DIS3L2: variants seen among roughly 807,000 people sequenced by gnomAD.
DIS3L2 encodes DIS3 like 3'-5' exoribonuclease 2.
In DIS3L2, 34 loss-of-function variants were observed where a neutral mutation model predicts 97.5. The observed-to-expected ratio is 0.35, with a 90% CI of 0.27 to 0.46. The LOEUF (loss-of-function observed/expected upper bound fraction) is 0.46, where lower values mean the gene tolerates loss of function less well. DIS3L2 is among the 20% of genes least tolerant of loss of function. The pLI is 1.00. For synonymous variants in DIS3L2, 435 were observed against 445.2 expected (o/e 0.98, Z 0.29); for missense variants, 1,038 against 1,146.0 (o/e 0.91, Z 1.36).
chr2:232,106,111 ACT>A (rs1370032143), intron 6 of DIS3L2, among the ~76,000 whole-genome samples: 1 of 151,808 alleles, frequency 6.6e-6, no homozygotes, highest in African/African-American at 2.4e-5. Context: ...TACTGATCCC[ACT>A]CTGTGTTACT....
chr2:232,141,646 C>T (rs953027289), intron 8 of DIS3L2, among the ~76,000 whole-genome samples: 2 of 151,932 alleles, frequency 1.3e-5, no homozygotes, highest in South Asian at 2.1e-4. Flanking sequence ...GAGCAGATGA[C>T]GGAGTGAGGT....
At position 232,087,595 on chromosome 2, in the gene DIS3L2, A is replaced by G; in HGVS notation, c.475A>G (p.Asn159Asp). 6.2e-7 allele frequency: 1 copy of G among 1,614,158 alleles called. No individual in the cohort carries two copies. The highest frequency in any genetic ancestry group is 8.5e-7 in the Non-Finnish European group (1 of 1,180,028). The change falls in exon 6 of 21, where the codon AAT (asparagine) becomes GAT (aspartate). Residue 159 changes from asparagine to aspartate, a missense_variant. Physicochemically the swap from Asn to Asp is conservative, Grantham distance 23. This residue lies in a region of DIS3L2 where 813 missense variants were observed against 880.1 expected (regional missense o/e 0.92). Transcript: ENST00000325385. ...CCCGCAACAGTCCCTGAAAAGCTATAATGACAGTCCTGATGTCATTGTAGA... is the reference window on the plus strand; with the variant it reads ...CCCGCAACAGTCCCTGAAAAGCTATGATGACAGTCCTGATGTCATTGTAGA... ...HLPQQSLKSYNDSPDVIVEAQ... is the reference protein window; with the variant it reads ...HLPQQSLKSYDDSPDVIVEAQ...
At chr2:232,156,429 T>C (rs1336394528) in intron 8 of DIS3L2, among the ~76,000 whole-genome samples, 1 of 152,106 alleles carries the variant, frequency 6.6e-6, no homozygotes, top group Non-Finnish European at 1.5e-5. Flanking sequence ...GTTATATGCT[T>C]ATAGAGATTG....
intron 6 of DIS3L2, among the ~76,000 whole-genome samples, chr2:232,104,382 A>G (rs1697296510): frequency 6.6e-6 from 1 of 152,188 alleles, no homozygotes; most frequent in South Asian, 2.1e-4. Flanking sequence ...TGGAGTCTCT[A>G]TAACACACAG....
At chr2:232,057,758 A>G (rs1470574387) in intron 5 of DIS3L2, among the ~76,000 whole-genome samples, 1 of 152,090 alleles carries the variant, frequency 6.6e-6, no homozygotes, top group Non-Finnish European at 1.5e-5. Context: ...AAGATAATAA[A>G]TGTGTCTTGT....
intron 5 of DIS3L2, among the ~76,000 whole-genome samples, chr2:232,076,082 G>A (rs1696176118): frequency 6.6e-6 from 1 of 152,186 alleles, no homozygotes; most frequent in Non-Finnish European, 1.5e-5. Context: ...ACACTTCACT[G>A]ACTTGACAGT....
intron 9 of DIS3L2, among the ~76,000 whole-genome samples, chr2:232,199,138 T>C (rs1324969382): frequency 3.3e-5 from 5 of 152,228 alleles, no homozygotes; most frequent in Non-Finnish European, 7.3e-5. Flanking sequence ...CTTCTTCACA[T>C]TGATGTTCTA....
At chr2:232,166,715 C>A (rs1400250961) in intron 9 of DIS3L2, among the ~76,000 whole-genome samples, 19 of 151,694 alleles carry the variant, frequency 1.3e-4, no homozygotes, top group Admixed American at 1.2e-3. Context: ...ACTCCATCAA[C>A]AACAACAACA....
intron 5 of DIS3L2, among the ~76,000 whole-genome samples, chr2:232,042,147 G>C (rs1695125410): frequency 6.6e-6 from 1 of 152,098 alleles, no homozygotes; most frequent in Admixed American, 6.5e-5. Context: ...GGCTACTCTT[G>C]TTCTAAATTA....
chr2:232,001,715 C>CTTTTTTT (rs36048859), intron 1 of DIS3L2, among the ~76,000 whole-genome samples: 27 of 60,030 alleles, frequency 4.5e-4, no homozygotes, highest in South Asian at 6.6e-4. Flanking sequence ...ATCTTTAATT[C>CTTTTTTT]TTTTTTTTTT....
intron 11 of DIS3L2, among the ~76,000 whole-genome samples, chr2:232,248,044 G>A (rs1273201317): frequency 6.6e-6 from 1 of 152,098 alleles, no homozygotes; most frequent in Non-Finnish European, 1.5e-5. Flanking sequence ...CCAAACAATT[G>A]CCAATTATTT....
At chr2:232,005,433 T>C (rs960603016) in intron 1 of DIS3L2, among the ~76,000 whole-genome samples, 2 of 152,196 alleles carry the variant, frequency 1.3e-5, no homozygotes, top group African/African-American at 4.8e-5. Context: ...AGATTGCTAC[T>C]GACCTCCACC....
At chr2:232,164,580 T>C (rs1195854505) in intron 9 of DIS3L2, among the ~76,000 whole-genome samples, 4 of 152,188 alleles carry the variant, frequency 2.6e-5, no homozygotes, top group Admixed American at 2.6e-4. Flanking sequence ...CCCACCTAGT[T>C]TGTGAATACT....
Position 232,166,067 on chromosome 2 carries a change from C to A in DIS3L2, c.1124+2435C>A, listed in dbSNP as rs1419402625. Among the ~76,000 whole-genome samples, 4 of 117,536 alleles carry A rather than the reference C, an allele frequency of 3.4e-5. No homozygotes were observed. The Admixed American group carries it at 3.8e-4, about 11-fold the overall frequency. The allele number at this position is 117,536 out of a possible 152,430, so 77.1% of individuals were successfully genotyped here. A position where few individuals can be genotyped will look rare whatever the true frequency, so the allele number is the denominator to read the frequency against. On this transcript the variant is annotated intron_variant, in intron 9 of 20. Coordinates refer to ENST00000325385, the MANE Select transcript of DIS3L2 (RefSeq NM_152383.5). The stretch of plus-strand genomic sequence containing the variant: ...TAAGAGGTCCTTAGTGAGACCCTGT[C>A]TCTACAATAAATAAATAAATAAATA...
chr2:232,343,880 C>A, exon 14 of DIS3L2: 2 of 293,528 alleles, frequency 6.8e-6, no homozygotes, highest in East Asian at 6.9e-5. Flanking sequence ...TGAGGATATT[C>A]TGAAAGGATT....
chr2:232,050,306 C>T (rs1695364499), intron 5 of DIS3L2, among the ~76,000 whole-genome samples: 1 of 152,182 alleles, frequency 6.6e-6, no homozygotes, highest in African/African-American at 2.4e-5. Flanking sequence ...GAGTCTCGCT[C>T]TGTCGCCCAG....
chr2:231,996,696 T>A (rs1693743223), intron 1 of DIS3L2, among the ~76,000 whole-genome samples: 1 of 152,224 alleles, frequency 6.6e-6, no homozygotes, highest in Non-Finnish European at 1.5e-5. Flanking sequence ...ATCTTAACTA[T>A]GCAATGTGAA....
chr2:232,062,378 G>A (rs72989646), intron 5 of DIS3L2, among the ~76,000 whole-genome samples: 2,209 of 152,284 alleles, frequency 0.015, 23 homozygotes, highest in Non-Finnish European at 0.021. Context: ...ACAGTTCCTG[G>A]AAAGTGGGTA....
At chr2:232,017,508 T>C (rs1261955107) in intron 3 of DIS3L2, among the ~76,000 whole-genome samples, 1 of 152,198 alleles carries the variant, frequency 6.6e-6, no homozygotes, top group African/African-American at 2.4e-5. Context: ...ATCCATTCAT[T>C]TGCTCTTCAT....
Sources: gnomAD v4.1 joint callset for allele counts (sites outside exome capture counted in the v4.1 genomes callset) on GRCh38, gnomAD v4.1.1 for gene constraint, gnomAD v4.1.1 regional missense constraint, MANE v1.5 for transcripts, NCBI Gene and HGNC (gene_info 2026-07-23, HGNC 2026-07-21) for gene names.